Variants in ACSS1 observed in about 807,000 individuals in gnomAD.
ACSS1 encodes the protein acyl-CoA synthetase short chain family member 1.
Under a neutral mutation model 75.3 loss-of-function variants are expected in ACSS1, and 42 were observed. The ratio of observed to expected loss-of-function variants is 0.56; its 90% CI spans 0.44 to 0.72. The LOEUF is 0.72. Among genes scored for constraint, ACSS1 ranks in the 30% least tolerant of loss-of-function variants. ACSS1 has a pLI of 0.00. For synonymous variants in ACSS1, 380 were observed against 376.8 expected (o/e 1.01, Z -0.10); for missense variants, 782 against 935.7 (o/e 0.84, Z 2.14).
At chr20:25,044,786 C>G (rs1359434849) in intron 2 of ACSS1, among the ~76,000 whole-genome samples, 1 of 152,234 alleles carries the variant, frequency 6.6e-6, no homozygotes, top group Non-Finnish European at 1.5e-5. Flanking sequence ...AGCCTGCTGG[C>G]TCACCAGGGG....
chr20:25,015,008 T>A, intron 8 of ACSS1, 130 bp downstream of exon 8: 1 of 701,314 alleles, frequency 1.4e-6, no homozygotes, highest in East Asian at 3.0e-5. Context: ...CTCCAGGGTT[T>A]CCGCAGTCTC....
intron 3 of ACSS1, among the ~76,000 whole-genome samples, chr20:25,027,190 G>T (rs768206865): frequency 1.3e-5 from 2 of 152,142 alleles, no homozygotes; most frequent in Non-Finnish European, 2.9e-5. Context: ...AGAACCAGAT[G>T]ACTTCACTGG....
intron 8 of ACSS1, among the ~76,000 whole-genome samples, chr20:25,014,933 TGTGA>T (rs2088489036): frequency 6.6e-6 from 1 of 152,154 alleles, no homozygotes; most frequent in Non-Finnish European, 1.5e-5. Context: ...TCAGAGAAGT[TGTGA>T]CAAGAGGTCC....
At chr20:25,029,414 T>C (rs2088783935) in intron 3 of ACSS1, among the ~76,000 whole-genome samples, 1 of 152,220 alleles carries the variant, frequency 6.6e-6, no homozygotes, top group Non-Finnish European at 1.5e-5. Flanking sequence ...CATACACTAT[T>C]AGTGGAAATG....
rs1409160671 is a variant in ACSS1 at position 25,057,689 on chromosome 20, G to C, written c.334+80C>G. The C allele has an allele frequency of 8.7e-6, 12 of 1,386,996 alleles. 1 individual carries two copies. The African/African-American group carries it at 8.7e-5, about 10-fold the overall frequency. 85.9% of individuals were successfully genotyped at this position (1,386,996 alleles called of 1,614,324 possible). A position where few individuals can be genotyped will look rare whatever the true frequency, so the allele number is the denominator to read the frequency against. ...GCTGCGATCCGCGCTGCCCGGGGAC[G>C]GCTGCCGCTGGCGAGAGGCTCCGAG... is the stretch of plus-strand genomic sequence containing the variant. On this transcript the variant is annotated intron_variant, in intron 1 of 13. Coordinates refer to ENST00000323482, the MANE Select transcript of ACSS1 (RefSeq NM_032501.4).
At chr20:25,038,356 GAAATGGCCTAATAATAGGACCCACT>G (rs2088949004) in intron 2 of ACSS1, among the ~76,000 whole-genome samples, 1 of 152,208 alleles carries the variant, frequency 6.6e-6, no homozygotes, top group African/African-American at 2.4e-5. Flanking sequence ...TCTCATCTGT[GAAATGGCCTAATAATAGGACCCACT>G]ACCAAGGTGG....
At chr20:25,038,901 C>G (rs1313800354) in intron 2 of ACSS1, among the ~76,000 whole-genome samples, 1 of 152,184 alleles carries the variant, frequency 6.6e-6, no homozygotes, top group African/African-American at 2.4e-5. Context: ...CCAAGCTTCT[C>G]CAGCCATGAT....
At chr20:25,021,841 T>C (rs569821002) in intron 5 of ACSS1, among the ~76,000 whole-genome samples, 1 of 152,288 alleles carries the variant, frequency 6.6e-6, no homozygotes, top group South Asian at 2.1e-4. Flanking sequence ...TCGAGGAGCA[T>C]GAGAGGACAG....
intron 2 of ACSS1, among the ~76,000 whole-genome samples, chr20:25,035,697 C>T (rs551317282): frequency 3.0e-4 from 45 of 152,370 alleles, no homozygotes; most frequent in Non-Finnish European, 2.4e-4. Flanking sequence ...AACCACCACA[C>T]CCAGCCAATT....
intron 2 of ACSS1, chr20:25,046,230 T>C (rs548593873): frequency 6.5e-6 from 1 of 152,716 alleles, no homozygotes; most frequent in African/African-American, 2.4e-5. Flanking sequence ...CATGAGCCAC[T>C]GCGACCGGCC....
At chr20:25,021,247 A>T in intron 6 of ACSS1, 142 bp downstream of exon 6, 1 of 1,149,330 alleles carries the variant, frequency 8.7e-7, no homozygotes, top group Non-Finnish European at 1.2e-6. Flanking sequence ...CCCACCGGGC[A>T]TTTCGACAGC....
At chr20:25,048,052 C>A in intron 2 of ACSS1, 33 bp downstream of exon 2, 1 of 1,604,466 alleles carries the variant, frequency 6.2e-7, no homozygotes, top group Non-Finnish European at 8.5e-7. Flanking sequence ...CTGGGCGCCT[C>A]CCTCGCACCT....
Position 25,046,928 on chromosome 20 carries a change from G to A in ACSS1, c.431+1157C>T, listed in dbSNP as rs185141871. 1.2e-4 allele frequency: 95 copies of A among 779,500 alleles called. No individual in the cohort carries two copies. The African/African-American group carries it at 1.4e-3, about 11-fold the overall frequency. The allele number at this position is 779,500 out of a possible 1,614,324, so 48.3% of individuals were successfully genotyped here. ...TGTGAGTCTGGCTGGTGGGGGAGAC[G>A]GGTCAGCAAAGGAGCCCTGGCCGAG... On this transcript the variant is annotated intron_variant, in intron 2 of 13. Transcript: ENST00000323482.
intron 2 of ACSS1, among the ~76,000 whole-genome samples, chr20:25,038,755 A>T (rs1239396201): frequency 2.6e-5 from 4 of 152,294 alleles, no homozygotes; most frequent in African/African-American, 9.6e-5. Flanking sequence ...GGTTGCTGCC[A>T]GTCTGGGGGT....
At chr20:25,054,139 C>G (rs2089212030) in intron 1 of ACSS1, among the ~76,000 whole-genome samples, 2 of 152,234 alleles carry the variant, frequency 1.3e-5, no homozygotes, top group African/African-American at 4.8e-5. Context: ...GTCTCAGACA[C>G]CATAACCTCA....
chr20:25,043,857 C>T (rs1232537320), intron 2 of ACSS1, among the ~76,000 whole-genome samples: 1 of 152,226 alleles, frequency 6.6e-6, no homozygotes. Flanking sequence ...CACCAAAGCC[C>T]AGAGGGATGG....
chr20:25,044,348 C>T lies in ACSS1; in HGVS notation c.431+3737G>A, dbSNP rs1193118352. Among the ~76,000 whole-genome samples the T allele has an allele frequency of 2.6e-5, 4 of 152,318 alleles. No individual in the cohort carries two copies. In the East Asian group the frequency reaches 7.7e-4, roughly 29 times the overall value. On this transcript the variant is annotated intron_variant, in intron 2 of 13. Coordinates refer to ENST00000323482, the MANE Select transcript of ACSS1 (RefSeq NM_032501.4). ...GACAGTCTTCTAAAACAGGCACCGGCCAGGCGCGGTGGCTCACACCTGCAA... is the reference window on the plus strand; with the variant it reads ...GACAGTCTTCTAAAACAGGCACCGGTCAGGCGCGGTGGCTCACACCTGCAA...
At chr20:25,032,597 C>T (rs1042266150) in intron 2 of ACSS1, 57 of 1,236,840 alleles carry the variant, frequency 4.6e-5, no homozygotes, top group Admixed American at 4.1e-5. Context: ...AGCCCGCGAC[C>T]CCTGCCCTCT....
intron 1 of ACSS1, among the ~76,000 whole-genome samples, chr20:25,054,841 G>A (rs991362897): frequency 6.6e-6 from 1 of 152,238 alleles, no homozygotes; most frequent in Non-Finnish European, 1.5e-5. Flanking sequence ...AAAGTGCGGT[G>A]TCACCAAATG....
Sources: allele counts gnomAD v4.1 joint callset (sites outside exome capture counted in the v4.1 genomes callset), GRCh38; gene constraint gnomAD v4.1.1; transcripts MANE v1.5; gene names NCBI Gene and HGNC (gene_info 2026-07-23, HGNC 2026-07-21).